The following RASGRF2 variants were observed in gnomAD, a reference collection of about 807,000 sequenced individuals.
RASGRF2 encodes the protein Ras protein specific guanine nucleotide releasing factor 2.
In RASGRF2, 76 loss-of-function variants were observed where a neutral mutation model predicts 151.0. The observed-to-expected ratio is 0.50, with a 90% CI of 0.42 to 0.61. The LOEUF (loss-of-function observed/expected upper bound fraction) is 0.61, where lower values mean the gene tolerates loss of function less well. Among genes scored for constraint, RASGRF2 ranks in the 20% least tolerant of loss-of-function variants. RASGRF2 has a pLI of 0.00. For missense variants in RASGRF2, 1,148 were observed against 1,564.6 expected (o/e 0.73, Z 4.49); for synonymous variants, 504 against 566.5 (o/e 0.89, Z 1.57).
chr5:81,037,858 AC>A (rs1454661707), intron 1 of RASGRF2, among the ~76,000 whole-genome samples: 1 of 152,132 alleles, frequency 6.6e-6, no homozygotes, highest in Non-Finnish European at 1.5e-5. Flanking sequence ...CCCTAAAGAA[AC>A]CCATTATCTT....
intron 12 of RASGRF2, among the ~76,000 whole-genome samples, chr5:81,107,043 G>C (rs1011168697): frequency 6.6e-6 from 1 of 152,032 alleles, no homozygotes; most frequent in Non-Finnish European, 1.5e-5. Flanking sequence ...ATACAAAACA[G>C]TTTGCCAAAA....
intron 12 of RASGRF2, 75 bp downstream of exon 12, chr5:81,095,067 GT>G: frequency 1.7e-6 from 2 of 1,172,806 alleles, no homozygotes; most frequent in Non-Finnish European, 2.2e-6. Context: ...GTTTTTAGAG[GT>G]TTTTTATCTT....
At position 80,970,175 on chromosome 5, in the gene RASGRF2, A is replaced by G. The variant is rs1339202737; in HGVS notation, c.288+9149A>G. Among the ~76,000 whole-genome samples, 3 of 152,236 alleles carry G rather than the reference A, an allele frequency of 2.0e-5. No homozygotes were observed. In the East Asian group the frequency reaches 5.8e-4, roughly 29 times the overall value. On this transcript the variant is annotated intron_variant, in intron 1 of 26. Coordinates refer to ENST00000265080, the MANE Select transcript of RASGRF2 (RefSeq NM_006909.3). ...CATCCATGAGCTAATGTCTCATCCA[A>G]CTTTCACAATCAATTCTGAGACCCA...
At chr5:81,018,801 AC>A (rs200332625) in intron 1 of RASGRF2, among the ~76,000 whole-genome samples, 1 of 123,338 alleles carries the variant, frequency 8.1e-6, no homozygotes, top group Middle Eastern at 4.3e-3. Context: ...GTCCATCTGC[AC>A]TTTTTTTTTT....
At chr5:81,126,358 T>A (rs1356708423) in intron 16 of RASGRF2, among the ~76,000 whole-genome samples, 3 of 152,254 alleles carry the variant, frequency 2.0e-5, no homozygotes, top group Non-Finnish European at 2.9e-5. Flanking sequence ...GTATCTTTTT[T>A]AAGAATATTT....
intron 1 of RASGRF2, among the ~76,000 whole-genome samples, chr5:81,018,872 G>A (rs183818325): frequency 2.1e-4 from 31 of 150,384 alleles, no homozygotes; most frequent in South Asian, 1.5e-3. Flanking sequence ...GCGCAATCTC[G>A]GCTCACTACA....
intron 1 of RASGRF2, among the ~76,000 whole-genome samples, chr5:81,018,012 G>A (rs1405466890): frequency 6.6e-6 from 1 of 152,096 alleles, no homozygotes; most frequent in Non-Finnish European, 1.5e-5. Flanking sequence ...GCGAGGCTGA[G>A]GTAGAAGAAT....
chr5:81,157,933 A>G lies in RASGRF2; in HGVS notation c.2687-22242A>G, dbSNP rs1439306893. ...GACACAGCCAAACCATATCAGGCTC[A>G]TTTACAGAAATGGACAAGCTGATCC... is the stretch of plus-strand genomic sequence containing the variant. On this transcript the variant is annotated intron_variant, in intron 17 of 26. Coordinates refer to ENST00000265080, the MANE Select transcript of RASGRF2 (RefSeq NM_006909.3). Among the ~76,000 whole-genome samples the G allele has an allele frequency of 2.0e-5, 3 of 152,216 alleles. No individual in the cohort carries two copies. The East Asian group carries it at 5.8e-4, about 29-fold the overall frequency.
In RASGRF2 at chr5:81,225,847, C is replaced by T; in HGVS notation, c.*77C>T. 7.0e-7 allele frequency: 1 copy of T among 1,431,380 alleles called. No individual in the cohort carries two copies. Among genetic ancestry groups the T allele is most frequent in the South Asian group, 1.4e-5 (1 of 73,842 alleles). 88.7% of individuals were successfully genotyped at this position (1,431,380 alleles called of 1,614,324 possible). On this transcript the variant is annotated 3_prime_UTR_variant, in exon 27 of 27. Coordinates refer to ENST00000265080, the MANE Select transcript of RASGRF2 (RefSeq NM_006909.3). ...ACAGAATTGTGTATGCCTTGCCTAT[C>T]ACGGTACAGCACGAAGCCAGGCTCC... is the stretch of plus-strand genomic sequence containing the variant.
At chr5:80,968,889 G>A (rs1438821598) in intron 1 of RASGRF2, among the ~76,000 whole-genome samples, 1 of 151,650 alleles carries the variant, frequency 6.6e-6, no homozygotes, top group African/African-American at 2.4e-5. Context: ...TCCCTGTGTT[G>A]CCCAGGCTCG....
chr5:81,224,267 G>A (rs182588214), intron 26 of RASGRF2, among the ~76,000 whole-genome samples: 34 of 152,258 alleles, frequency 2.2e-4, no homozygotes, highest in Admixed American at 1.5e-3. Context: ...TTCACTTATC[G>A]GATTGACAAA....
chr5:81,025,911 A>AT (rs1487711186), intron 1 of RASGRF2, among the ~76,000 whole-genome samples: 3 of 151,694 alleles, frequency 2.0e-5, no homozygotes, highest in East Asian at 1.9e-4. Flanking sequence ...TGTATGTTTT[A>AT]TTTTTTTGCA....
Position 81,059,847 on chromosome 5 carries a change from A to C in RASGRF2, c.396-8185A>C, listed in dbSNP as rs1751362626. 2.0e-5 allele frequency among the ~76,000 whole-genome samples: 3 copies of C among 152,056 alleles called. No homozygotes were observed. In the South Asian group the frequency reaches 6.2e-4, roughly 32 times the overall value. ...CAACAGAGGGAGACTCCACCAAAAA[A>C]CAAAAAACAAAAAACAAAAAAAACA... is the stretch of plus-strand genomic sequence containing the variant. On this transcript the variant is annotated intron_variant, in intron 2 of 26. Transcript: ENST00000265080.
intron 15 of RASGRF2, among the ~76,000 whole-genome samples, chr5:81,115,565 GGAGAA>G (rs1395018698): frequency 6.6e-6 from 1 of 152,160 alleles, no homozygotes; most frequent in Non-Finnish European, 1.5e-5. Context: ...AGATAGGAGA[GGAGAA>G]ATCTGGAGAT....
chr5:81,098,082 T>C (rs1299233108), intron 12 of RASGRF2, among the ~76,000 whole-genome samples: 1 of 152,040 alleles, frequency 6.6e-6, no homozygotes, highest in East Asian at 1.9e-4. Flanking sequence ...AGTTGGAGAT[T>C]AGGGATCTGA....
chr5:81,190,573 A>G (rs947532664), intron 18 of RASGRF2, among the ~76,000 whole-genome samples: 1 of 152,248 alleles, frequency 6.6e-6, no homozygotes, highest in African/African-American at 2.4e-5. Flanking sequence ...ATTATCTGAT[A>G]AGTATGGATT....
At chr5:81,026,750 C>CA (rs1363633084) in intron 1 of RASGRF2, among the ~76,000 whole-genome samples, 12 of 149,374 alleles carry the variant, frequency 8.0e-5, no homozygotes, top group East Asian at 2.0e-4. Flanking sequence ...TTTTTAAGGG[C>CA]GAAAAAAAAA....
intron 18 of RASGRF2, among the ~76,000 whole-genome samples, chr5:81,187,146 T>TA (rs1277116979): frequency 6.6e-6 from 1 of 152,146 alleles, no homozygotes. Context: ...GTGAACCACC[T>TA]AAGTCTCAAA....
At chr5:80,987,596 A>G (rs796298407) in intron 1 of RASGRF2, among the ~76,000 whole-genome samples, 61 of 152,286 alleles carry the variant, frequency 4.0e-4, no homozygotes, top group African/African-American at 1.4e-3. Context: ...GAGAGCAGAC[A>G]AGGGAGGGAG....
Sources: allele counts gnomAD v4.1 joint callset (sites outside exome capture counted in the v4.1 genomes callset), GRCh38; gene constraint gnomAD v4.1.1; transcripts MANE v1.5; gene names NCBI Gene and HGNC (gene_info 2026-07-23, HGNC 2026-07-21).